The following ZRANB3 variants were observed in gnomAD, a reference collection of about 807,000 sequenced individuals.
The protein encoded by ZRANB3 is DNA annealing helicase and endonuclease ZRANB3.
In ZRANB3, 125 loss-of-function variants were observed where a neutral mutation model predicts 133.8. The observed-to-expected ratio is 0.93, with a 90% CI of 0.81 to 1.08. The LOEUF (loss-of-function observed/expected upper bound fraction) is 1.08, where lower values mean the gene tolerates loss of function less well. Ranked by LOEUF, ZRANB3 falls within the 50% of genes least tolerant of loss-of-function variation. ZRANB3 has a pLI of 0.00. For missense variants in ZRANB3, 1,229 were observed against 1,275.5 expected (o/e 0.96, Z 0.56); for synonymous variants, 387 against 432.7 (o/e 0.89, Z 1.31).
chr2:135,327,026 T>C (rs1288640367), intron 6 of ZRANB3, among the ~76,000 whole-genome samples: 1 of 151,746 alleles, frequency 6.6e-6, no homozygotes, highest in African/African-American at 2.4e-5. Context: ...AAGAGGTAGA[T>C]GGGAGCATAG....
intron 2 of ZRANB3, among the ~76,000 whole-genome samples, chr2:135,416,513 C>T (rs1465944436): frequency 2.6e-5 from 4 of 151,630 alleles, no homozygotes; most frequent in African/African-American, 4.9e-5. Context: ...GAATCAATAT[C>T]GTGAAAATGG....
At chr2:135,363,864 C>T (rs1370392612) in intron 3 of ZRANB3, among the ~76,000 whole-genome samples, 1 of 152,006 alleles carries the variant, frequency 6.6e-6, no homozygotes, top group East Asian at 1.9e-4. Context: ...TTGTCTGATG[C>T]CAGGATTTTT....
chr2:135,224,487 ACTGGCAAAGTGT>A lies in ZRANB3; in HGVS notation c.2177_2188del (p.Asp726_Pro729del). 3 of 1,613,370 alleles carry A rather than the reference ACTGGCAAAGTGT, an allele frequency of 1.9e-6. No individual in the cohort carries two copies. Among genetic ancestry groups the A allele is most frequent in the African/African-American group, 1.3e-5 (1 of 75,048 alleles). ...TGCACAGAACATTAAGGTGTCATAC[ACTGGCAAAGTGT>A]CTGAACTCTTCCACTGTTCTATTAA... On this transcript the variant is annotated inframe_deletion, in exon 15 of 21. Coordinates refer to ENST00000264159, the MANE Select transcript of ZRANB3 (RefSeq NM_032143.4).
At chr2:135,512,508 T>G (rs1693509932) in intron 1 of ZRANB3, among the ~76,000 whole-genome samples, 1 of 151,726 alleles carries the variant, frequency 6.6e-6, no homozygotes, top group Non-Finnish European at 1.5e-5. Flanking sequence ...AGAAAAGATA[T>G]TAAATGTAAA....
chr2:135,327,732 C>T (rs1474274528), intron 6 of ZRANB3, among the ~76,000 whole-genome samples: 2 of 152,126 alleles, frequency 1.3e-5, no homozygotes, highest in Admixed American at 6.5e-5. Flanking sequence ...ACAGCTTCCT[C>T]ATCTATAAAA....
chr2:135,244,261 A>G (rs1695685765), intron 12 of ZRANB3, among the ~76,000 whole-genome samples: 1 of 152,176 alleles, frequency 6.6e-6, no homozygotes, highest in African/African-American at 2.4e-5. Context: ...TGATCTGGCC[A>G]AACAGATCAA....
chr2:135,482,117 A>G (rs1691847067), intron 2 of ZRANB3, among the ~76,000 whole-genome samples: 1 of 137,826 alleles, frequency 7.3e-6, no homozygotes, highest in South Asian at 2.4e-4. Flanking sequence ...TTGGTTCCAT[A>G]TGAACTTTAA....
chr2:135,314,721 T>C (rs1467182089), intron 7 of ZRANB3, among the ~76,000 whole-genome samples: 2 of 152,100 alleles, frequency 1.3e-5, no homozygotes, highest in African/African-American at 4.8e-5. Flanking sequence ...CCCTTGCTAA[T>C]TATTGGGTTT....
chr2:135,503,994 C>CA (rs1022431983), intron 2 of ZRANB3, among the ~76,000 whole-genome samples: 2 of 151,058 alleles, frequency 1.3e-5, no homozygotes, highest in South Asian at 2.1e-4. Context: ...TGGTAATAGA[C>CA]AAAAAAACAA....
At chr2:135,352,212 A>T (rs1685237971) in intron 4 of ZRANB3, among the ~76,000 whole-genome samples, 2 of 151,874 alleles carry the variant, frequency 1.3e-5, no homozygotes, top group Non-Finnish European at 2.9e-5. Flanking sequence ...GGTGCCTGTA[A>T]TCCCAGCTAC....
intron 3 of ZRANB3, among the ~76,000 whole-genome samples, chr2:135,373,547 G>A (rs751717432): frequency 6.6e-6 from 1 of 152,144 alleles, no homozygotes; most frequent in Non-Finnish European, 1.5e-5. Context: ...TAGTACTTTG[G>A]GAGGCCGAGG....
At chr2:135,486,145 T>C (rs1692108881) in intron 2 of ZRANB3, among the ~76,000 whole-genome samples, 1 of 152,216 alleles carries the variant, frequency 6.6e-6, no homozygotes, top group Non-Finnish European at 1.5e-5. Flanking sequence ...CAATGACTTA[T>C]GCCACATCAA....
intron 6 of ZRANB3, among the ~76,000 whole-genome samples, chr2:135,332,467 T>C (rs1684193371): frequency 6.6e-6 from 1 of 152,204 alleles, no homozygotes; most frequent in Admixed American, 6.5e-5. Flanking sequence ...GTCTTAAATA[T>C]AGTAGGCAAT....
intron 12 of ZRANB3, among the ~76,000 whole-genome samples, chr2:135,264,001 T>C (rs903687417): frequency 1.3e-5 from 2 of 149,110 alleles, no homozygotes; most frequent in African/African-American, 2.5e-5. Context: ...TTGGCCAGGC[T>C]GATCTCGAAC....
intron 2 of ZRANB3, among the ~76,000 whole-genome samples, chr2:135,501,931 G>C (rs78580463): frequency 6.6e-6 from 1 of 152,114 alleles, no homozygotes; most frequent in Non-Finnish European, 1.5e-5. Flanking sequence ...TAAGTCATCT[G>C]TAAGGTGATA....
chr2:135,315,590 T>C (rs1468236433), intron 6 of ZRANB3, 60 bp from the exon 7 acceptor site: 7 of 1,192,888 alleles, frequency 5.9e-6, no homozygotes, highest in Non-Finnish European at 6.6e-6. Context: ...GAAAATAATT[T>C]ATCCAATGTG....
intron 15 of ZRANB3, among the ~76,000 whole-genome samples, chr2:135,223,515 G>T (rs1444679076): frequency 1.3e-5 from 2 of 151,436 alleles, no homozygotes; most frequent in East Asian, 4.0e-4. Flanking sequence ...TAGTAGAGGT[G>T]GGGGGTTTCA....
chr2:135,230,569 A>G lies in ZRANB3; in HGVS notation c.1898T>C (p.Ile633Thr), dbSNP rs1309268080. ...EGWQCSLCTY[I>T]NNSELPYCEM... ...ACAATAAGGTAACTCTGAATTATTG[A>G]TATAGGTGCAGAGACTACATTGCCA... Residue 633 changes from isoleucine to threonine, a missense_variant, in exon 13 of 21, where the codon ATC becomes ACC. By Grantham distance (89) the Ile-to-Thr change is moderately conservative. Transcript: ENST00000264159. 5.1e-6 allele frequency: 8 copies of G among 1,580,892 alleles called. No individual in the cohort carries two copies. Among genetic ancestry groups the G allele is most frequent in the Non-Finnish European group, 6.8e-6 (8 of 1,168,412 alleles).
intron 12 of ZRANB3, among the ~76,000 whole-genome samples, chr2:135,244,301 T>C (rs1170374661): frequency 6.6e-6 from 1 of 151,704 alleles, no homozygotes; most frequent in African/African-American, 2.4e-5. Flanking sequence ...CAAAACCCCA[T>C]CTCTACTAAA....
Sources: gnomAD v4.1 joint callset for allele counts (sites outside exome capture counted in the v4.1 genomes callset) on GRCh38, gnomAD v4.1.1 for gene constraint, MANE v1.5 for transcripts, NCBI Gene and HGNC (gene_info 2026-07-23, HGNC 2026-07-21) for gene names.